LINGO1: variants seen among roughly 807,000 people sequenced by gnomAD.
LINGO1 encodes leucine rich repeat and Ig domain containing 1, also known as leucine-rich repeat and immunoglobulin-like domain-containing nogo receptor-interacting protein 1.
Under a neutral mutation model 37.3 loss-of-function variants are expected in LINGO1, and 11 were observed. The ratio of observed to expected loss-of-function variants is 0.29; its 90% CI spans 0.19 to 0.49. LINGO1 has a LOEUF of 0.49. Ranked by LOEUF, LINGO1 falls within the 20% of genes least tolerant of loss-of-function variation. The probability of loss-of-function intolerance (pLI) is 0.99; values close to 1 mark genes in which losing one functional copy is unlikely to be tolerated. For missense variants in LINGO1, 585 were observed against 878.2 expected (o/e 0.67, Z 4.22); for synonymous variants, 387 against 403.0 (o/e 0.96, Z 0.48).
At chr15:77,671,774 C>T (rs1484465596) in intron 3 of LINGO1, among the ~76,000 whole-genome samples, 2 of 152,226 alleles carry the variant, frequency 1.3e-5, no homozygotes, top group Non-Finnish European at 2.9e-5. Flanking sequence ...ACTGTGGTTA[C>T]AGACTGAGTC....
intron 1 of LINGO1, among the ~76,000 whole-genome samples, chr15:77,776,011 C>A: frequency 6.6e-6 from 1 of 152,262 alleles, no homozygotes; most frequent in Non-Finnish European, 1.5e-5. Context: ...TCCTCGTCAC[C>A]GCCTCCATGG....
chr15:77,634,760 G>GC (rs904766319), upstream of LINGO1, among the ~76,000 whole-genome samples: 6 of 134,122 alleles, frequency 4.5e-5, no homozygotes, highest in African/African-American at 1.3e-4. Context: ...AGACTCCCCA[G>GC]CCCCCCCACC....
intron 1 of LINGO1, among the ~76,000 whole-genome samples, chr15:77,815,177 A>G (rs1463388441): frequency 6.6e-6 from 1 of 152,140 alleles, no homozygotes; most frequent in Non-Finnish European, 1.5e-5. Context: ...TCCCTCCTCC[A>G]GCGGCTGGCA....
chr15:77,683,836 TAA>T (rs60118146), intron 2 of LINGO1, among the ~76,000 whole-genome samples: 9,978 of 147,452 alleles, frequency 0.068, 942 homozygotes, highest in African/African-American at 0.21. Context: ...GCTTTTATGG[TAA>T]AAAAAAAAAA....
At chr15:77,683,833 T>C (rs1427514474) in intron 2 of LINGO1, among the ~76,000 whole-genome samples, 4 of 25,344 alleles carry the variant, frequency 1.6e-4, no homozygotes, top group South Asian at 1.1e-3. Context: ...ACTGCTTTTA[T>C]GGTAAAAAAA....
intron 1 of LINGO1, among the ~76,000 whole-genome samples, chr15:77,815,971 G>C (rs1037664088): frequency 2.0e-5 from 3 of 152,102 alleles, no homozygotes; most frequent in African/African-American, 4.8e-5. Flanking sequence ...CCATGCCTTT[G>C]CCAGTGCCGT....
chr15:77,633,235 G>A (rs139101213), upstream of LINGO1, among the ~76,000 whole-genome samples: 2,408 of 152,108 alleles, frequency 0.016, 22 homozygotes, highest in Non-Finnish European at 0.025. Context: ...GGGGAGTCCG[G>A]CGTGCGGTCC....
chr15:77,620,043 G>A (rs1379422939), intron 1 of LINGO1, among the ~76,000 whole-genome samples: 1 of 152,202 alleles, frequency 6.6e-6, no homozygotes, highest in Non-Finnish European at 1.5e-5. Flanking sequence ...TGTCATCTAG[G>A]GATGCTGGCA....
chr15:77,808,873 C>T (rs536975510), intron 1 of LINGO1, among the ~76,000 whole-genome samples: 15 of 152,326 alleles, frequency 9.8e-5, no homozygotes, highest in Admixed American at 2.0e-4. Context: ...CCCTATTTCA[C>T]GCTCAACCCT....
chr15:77,710,333 C>T (rs1031919209), intron 2 of LINGO1, among the ~76,000 whole-genome samples: 1 of 152,216 alleles, frequency 6.6e-6, no homozygotes, highest in African/African-American at 2.4e-5. Context: ...TGGCGCTGAG[C>T]GGCAGAGGGA....
chr15:77,814,983 G>A (rs1220360537), intron 1 of LINGO1, among the ~76,000 whole-genome samples: 1 of 152,232 alleles, frequency 6.6e-6, no homozygotes, highest in Non-Finnish European at 1.5e-5. Context: ...GATCAGTCCT[G>A]GGCATGGAGC....
At position 77,615,106 on chromosome 15, in the gene LINGO1, G is replaced by A. The variant is rs2073658642; in HGVS notation, c.801C>T (p.Ser267=). ...TCAGATTGCAGTGTGTGATGGACAG[G>A]GACGTCAGGTTGAGGCCGTAGAGGC... is the stretch of plus-strand genomic sequence containing the variant. ...PNCLYGLNLT[S]LSITHCNLTA... The change falls in exon 2 of 2, where the codon TCC becomes TCT. Residue 267 remains serine, a synonymous_variant. Transcript: ENST00000355300. The A allele has an allele frequency of 1.2e-6, 2 of 1,613,926 alleles. No homozygotes were observed. The highest frequency in any genetic ancestry group is 2.7e-5 in the African/African-American group (2 of 74,936).
intron 3 of LINGO1, among the ~76,000 whole-genome samples, chr15:77,649,521 G>A (rs1230233465): frequency 6.6e-6 from 1 of 152,180 alleles, no homozygotes; most frequent in African/African-American, 2.4e-5. Context: ...GACCAGAAGA[G>A]CAAAGATTCA....
chr15:77,733,510 C>T (rs752833084), intron 2 of LINGO1, among the ~76,000 whole-genome samples: 3 of 152,174 alleles, frequency 2.0e-5, no homozygotes, highest in Admixed American at 6.5e-5. Flanking sequence ...GCCCTCCTCT[C>T]AGGTAACCCA....
chr15:77,750,306 C>T (rs1429991010), intron 1 of LINGO1, among the ~76,000 whole-genome samples: 1 of 152,248 alleles, frequency 6.6e-6, no homozygotes, highest in African/African-American at 2.4e-5. Flanking sequence ...AATAGCATTA[C>T]AGTTTGGCTA....
upstream of LINGO1, among the ~76,000 whole-genome samples, chr15:77,789,963 T>C (rs2076805633): frequency 6.6e-6 from 1 of 152,098 alleles, no homozygotes; most frequent in African/African-American, 2.4e-5. Context: ...GTAAAGACCA[T>C]GTCTCGCCAT....
chr15:77,654,818 T>C (rs2074833654), intron 3 of LINGO1, among the ~76,000 whole-genome samples: 1 of 152,188 alleles, frequency 6.6e-6, no homozygotes, highest in Non-Finnish European at 1.5e-5. Flanking sequence ...CCCTGGTTAT[T>C]GTAAGAACGA....
chr15:77,743,017 C>T (rs1195448714), intron 1 of LINGO1, among the ~76,000 whole-genome samples: 1 of 152,182 alleles, frequency 6.6e-6, no homozygotes, highest in Non-Finnish European at 1.5e-5. Context: ...GGCCCCCAGC[C>T]CGACGCCCAA....
upstream of LINGO1, among the ~76,000 whole-genome samples, chr15:77,699,774 T>TCTGCACACAGTAAGCACATACTAACCA (rs2075757887): frequency 2.3e-3 from 21 of 9,074 alleles, no homozygotes; most frequent in African/African-American, 3.3e-3. Flanking sequence ...CTAACCATCA[T>TCTGCACACAGTAAGCACATACTAACCA]TCCCCCCCTC....
Sources: allele counts gnomAD v4.1 joint callset (sites outside exome capture counted in the v4.1 genomes callset), GRCh38; gene constraint gnomAD v4.1.1; transcripts MANE v1.5; gene names NCBI Gene and HGNC (gene_info 2026-07-23, HGNC 2026-07-21).